STK39: variants seen among roughly 807,000 people sequenced by gnomAD.
The protein encoded by STK39 is STE20/SPS1-related proline-alanine-rich protein kinase.
A neutral mutation model predicts 77.8 loss-of-function variants in STK39; 20 were observed. The observed-to-expected ratio is 0.26, with a 90% confidence interval of 0.18 to 0.37. The LOEUF (loss-of-function observed/expected upper bound fraction) is 0.37, where lower values mean the gene tolerates loss of function less well. Ranked by LOEUF, STK39 falls within the 10% of genes least tolerant of loss-of-function variation. STK39 has a pLI of 1.00. For missense variants in STK39, 479 were observed against 656.5 expected (o/e 0.73, Z 2.95); for synonymous variants, 246 against 234.1 (o/e 1.05, Z -0.47).
At chr2:168,079,584 T>G (rs1686173497) in intron 10 of STK39, among the ~76,000 whole-genome samples, 1 of 152,214 alleles carries the variant, frequency 6.6e-6, no homozygotes, top group Admixed American at 6.5e-5. Flanking sequence ...CCCCTCCAAG[T>G]GAAGCCCATA....
intron 14 of STK39, among the ~76,000 whole-genome samples, chr2:168,042,609 C>T (rs1299392467): frequency 7.1e-6 from 1 of 139,934 alleles, no homozygotes; most frequent in Admixed American, 7.5e-5. Context: ...GAGATGGAGT[C>T]TCGCTCTGTC....
chr2:168,245,175 A>AAG (rs1690866047), intron 1 of STK39, among the ~76,000 whole-genome samples: 1 of 152,232 alleles, frequency 6.6e-6, no homozygotes, highest in African/African-American at 2.4e-5. Context: ...AGTGAAGGCA[A>AAG]CAGTGGAAAT....
intron 10 of STK39, among the ~76,000 whole-genome samples, chr2:168,112,200 C>G (rs930611123): frequency 1.3e-5 from 2 of 151,952 alleles, no homozygotes; most frequent in African/African-American, 4.8e-5. Flanking sequence ...TCAATCTCTA[C>G]AGAACTCAGT....
At chr2:168,136,704 T>A (rs1334636277) in intron 8 of STK39, among the ~76,000 whole-genome samples, 3 of 152,176 alleles carry the variant, frequency 2.0e-5, no homozygotes, top group Non-Finnish European at 4.4e-5. Context: ...CAAAAAATTT[T>A]ACTGGAGATG....
In STK39 at chr2:167,962,800, G is replaced by A. The variant is rs1043199163; in HGVS notation, c.1563+1862C>T. 6.6e-5 allele frequency among the ~76,000 whole-genome samples: 10 copies of A among 152,350 alleles called. No individual in the cohort carries two copies. In the South Asian group the frequency reaches 2.1e-3, roughly 32 times the overall value. On this transcript the variant is annotated intron_variant, in intron 17 of 17. Transcript: ENST00000355999. The stretch of plus-strand genomic sequence containing the variant: ...GGGTCTGCCTCCAAGATGAATGGCT[G>A]TTGAGAGCGTGGGCACTGAGGCTAG...
chr2:168,020,656 CATAT>C (rs1188106835), intron 14 of STK39, among the ~76,000 whole-genome samples: 2 of 150,126 alleles, frequency 1.3e-5, no homozygotes. Context: ...GATTATGTAT[CATAT>C]ATAATCATTT....
At chr2:168,192,420 A>G (rs1222645404) in intron 1 of STK39, among the ~76,000 whole-genome samples, 1 of 152,220 alleles carries the variant, frequency 6.6e-6, no homozygotes, top group African/African-American at 2.4e-5. Flanking sequence ...TTTTAAAAAA[A>G]ATTCTCATTT....
At chr2:168,078,643 T>C (rs1377160232) in intron 10 of STK39, among the ~76,000 whole-genome samples, 1 of 151,842 alleles carries the variant, frequency 6.6e-6, no homozygotes, top group East Asian at 1.9e-4. Flanking sequence ...AGGTGTGTGA[T>C]TCTAACACTC....
intron 14 of STK39, among the ~76,000 whole-genome samples, chr2:168,048,031 T>G (rs1443553357): frequency 6.6e-6 from 1 of 152,206 alleles, no homozygotes; most frequent in Non-Finnish European, 1.5e-5. Flanking sequence ...TGAAAATTTT[T>G]TAAAAGAGTA....
At chr2:168,184,620 C>A (rs1689162048) in intron 1 of STK39, among the ~76,000 whole-genome samples, 1 of 148,446 alleles carries the variant, frequency 6.7e-6, no homozygotes, top group Admixed American at 6.8e-5. Context: ...AGGATTAGGA[C>A]CCTAGGCATA....
At chr2:168,010,256 G>GAAAATACAT (rs59926529) in intron 16 of STK39, among the ~76,000 whole-genome samples, 2 of 151,982 alleles carry the variant, frequency 1.3e-5, no homozygotes, top group African/African-American at 4.8e-5. Context: ...TCTCTTCAAG[G>GAAAATACAT]TTTGCAGGGT....
At chr2:168,051,599 G>C (rs1410327625) in intron 14 of STK39, among the ~76,000 whole-genome samples, 1 of 152,106 alleles carries the variant, frequency 6.6e-6, no homozygotes, top group Non-Finnish European at 1.5e-5. Flanking sequence ...TGAGAGGAGA[G>C]CAAGGAGGCC....
At chr2:168,004,163 C>G (rs1174338436) in intron 16 of STK39, among the ~76,000 whole-genome samples, 1 of 152,220 alleles carries the variant, frequency 6.6e-6, no homozygotes, top group Non-Finnish European at 1.5e-5. Flanking sequence ...TCTGGAGGAT[C>G]CACTGCCTCC....
At chr2:168,191,983 G>T (rs1689351545) in intron 1 of STK39, among the ~76,000 whole-genome samples, 1 of 152,084 alleles carries the variant, frequency 6.6e-6, no homozygotes, top group Non-Finnish European at 1.5e-5. Context: ...CCTGACCTCT[G>T]AAGAGGAGCC....
chr2:168,148,754 C>T (rs1468710423), intron 5 of STK39, among the ~76,000 whole-genome samples: 1 of 152,192 alleles, frequency 6.6e-6, no homozygotes, highest in South Asian at 2.1e-4. Flanking sequence ...CAGAGGCATA[C>T]TGTGGGATCC....
chr2:168,060,750 T>C (rs1486585659), intron 14 of STK39, among the ~76,000 whole-genome samples: 1 of 152,248 alleles, frequency 6.6e-6, no homozygotes, highest in African/African-American at 2.4e-5. Context: ...CTTTATGATA[T>C]CCTTTGGAAT....
chr2:168,238,479 G>C (rs1453618083), intron 1 of STK39, among the ~76,000 whole-genome samples: 1 of 152,212 alleles, frequency 6.6e-6, no homozygotes, highest in Non-Finnish European at 1.5e-5. Context: ...GGGATAATAT[G>C]AATGTAGAGG....
At chr2:168,193,289 AAGTCTTTCTTCCCCC>A (rs771517515) in intron 1 of STK39, among the ~76,000 whole-genome samples, 9 of 152,164 alleles carry the variant, frequency 5.9e-5, no homozygotes, top group Non-Finnish European at 1.0e-4. Flanking sequence ...TGCATGGTAG[AAGTCTTTCTTCCCCC>A]CCCTCTTCAC....
intron 14 of STK39, among the ~76,000 whole-genome samples, chr2:168,056,094 G>A (rs1398145880): frequency 1.3e-5 from 2 of 152,052 alleles, no homozygotes; most frequent in Non-Finnish European, 2.9e-5. Flanking sequence ...TGAGCCTTAA[G>A]GTCTAATCCT....
Sources: allele counts gnomAD v4.1 joint callset (sites outside exome capture counted in the v4.1 genomes callset), GRCh38; gene constraint gnomAD v4.1.1; transcripts MANE v1.5; gene names NCBI Gene and HGNC (gene_info 2026-07-23, HGNC 2026-07-21).